PRKN: variants seen among roughly 807,000 people sequenced by gnomAD.
PRKN encodes the protein E3 ubiquitin-protein ligase parkin.
In PRKN, 56 loss-of-function variants were observed where a neutral mutation model predicts 59.5. The ratio of observed to expected loss-of-function variants is 0.94; its 90% CI spans 0.76 to 1.18. The LOEUF is 1.18. Among genes scored for constraint, PRKN ranks in the 50% most tolerant of loss-of-function variants. The pLI, the probability that PRKN is intolerant of heterozygous loss-of-function variation, is 0.00. For missense variants in PRKN, 657 were observed against 596.4 expected, an observed-to-expected ratio of 1.10 and a Z score of -1.06; for synonymous variants, 250 against 222.1, an observed-to-expected ratio of 1.13 and a Z score of -1.12.
intron 1 of PRKN, among the ~76,000 whole-genome samples, chr6:162,469,876 T>C (rs1254201362): frequency 1.3e-5 from 2 of 151,958 alleles, no homozygotes; most frequent in African/African-American, 2.4e-5. Context: ...CAAAAACCTA[T>C]GGAAATAAAA....
chr6:162,386,064 T>C (rs1459230562), intron 2 of PRKN, among the ~76,000 whole-genome samples: 8 of 152,274 alleles, frequency 5.3e-5, no homozygotes. Flanking sequence ...CCTATGCAGA[T>C]GCAGGATACA....
chr6:161,633,544 C>G (rs147188120), intron 7 of PRKN, among the ~76,000 whole-genome samples: 14 of 152,144 alleles, frequency 9.2e-5, no homozygotes, highest in African/African-American at 3.1e-4. Context: ...AAGAATATCA[C>G]GAGGATTTTG....
intron 2 of PRKN, among the ~76,000 whole-genome samples, chr6:162,373,822 G>A (rs1785898142): frequency 6.6e-6 from 1 of 152,114 alleles, no homozygotes; most frequent in African/African-American, 2.4e-5. Context: ...TGAGTAAAGT[G>A]AATCACATAG....
intron 2 of PRKN, among the ~76,000 whole-genome samples, chr6:162,266,168 G>T (rs1780121683): frequency 6.6e-6 from 1 of 152,078 alleles, no homozygotes; most frequent in Non-Finnish European, 1.5e-5. Context: ...CCATGTTCAG[G>T]ACTCAGTTAC....
At chr6:162,569,098 CA>C in intron 1 of PRKN, 2 of 665,222 alleles carry the variant, frequency 3.0e-6, no homozygotes, top group Admixed American at 2.1e-5. Context: ...TTGCTGAGGT[CA>C]AGGCGTAGTA....
chr6:161,481,419 A>C (rs79241786), intron 9 of PRKN, among the ~76,000 whole-genome samples: 1 of 152,114 alleles, frequency 6.6e-6, no homozygotes, highest in Non-Finnish European at 1.5e-5. Context: ...CCTGGCCAAC[A>C]TGGTGAAACC....
At chr6:161,973,186 G>A (rs1387626032) in intron 6 of PRKN, 116 bp downstream of exon 6, 1 of 745,982 alleles carries the variant, frequency 1.3e-6, no homozygotes, top group Admixed American at 2.0e-5. Context: ...AGAGTTCACT[G>A]AGGAAGGCTC....
At chr6:161,439,432 A>G (rs1178369338) in intron 9 of PRKN, among the ~76,000 whole-genome samples, 1 of 152,238 alleles carries the variant, frequency 6.6e-6, no homozygotes, top group Non-Finnish European at 1.5e-5. Context: ...AGAAATGCAA[A>G]TAAGTACGAA....
chr6:162,569,615 A>G, intron 1 of PRKN: 3 of 711,480 alleles, frequency 4.2e-6, no homozygotes, highest in Admixed American at 3.6e-5. Flanking sequence ...TGGCTCTGAC[A>G]TGGGCTCCAG....
intron 10 of PRKN, among the ~76,000 whole-genome samples, chr6:161,374,020 T>C (rs1785547869): frequency 6.6e-6 from 1 of 152,182 alleles, no homozygotes; most frequent in African/African-American, 2.4e-5. Context: ...TCTGGACAAA[T>C]CCAGCATTTT....
intron 1 of PRKN, among the ~76,000 whole-genome samples, chr6:162,659,749 C>T (rs1778807873): frequency 1.3e-5 from 2 of 151,904 alleles, no homozygotes; most frequent in Admixed American, 1.3e-4. Context: ...CCCACAGGTA[C>T]ATTTCATAAA....
At chr6:161,367,043 T>G (rs1328147260) in intron 10 of PRKN, among the ~76,000 whole-genome samples, 2 of 137,606 alleles carry the variant, frequency 1.5e-5, no homozygotes, top group Admixed American at 1.5e-4. Flanking sequence ...CAGGCTGGAC[T>G]GCAGTGGCGT....
In PRKN at chr6:161,357,894, C is replaced by G. The variant is rs1052507834; in HGVS notation, c.1285+2194G>C. On this transcript the variant is annotated intron_variant, in intron 11 of 11. Coordinates refer to ENST00000366898, the MANE Select transcript of PRKN (RefSeq NM_004562.3). The surrounding 1 kb of genome is among the most constrained non-coding windows in gnomAD (Gnocchi z 5.5). ...CTCCTGCCCATGCTGTGAGGAAGTC[C>G]CATTGAAACCCATCTTATGAACGAG... 6.6e-6 allele frequency among the ~76,000 whole-genome samples: 1 copy of G among 152,186 alleles called. No homozygotes were observed. The highest frequency in any genetic ancestry group is 1.5e-5 in the Non-Finnish European group (1 of 68,040).
chr6:162,358,241 AAGTT>A, intron 2 of PRKN, among the ~76,000 whole-genome samples: 1 of 152,316 alleles, frequency 6.6e-6, no homozygotes, highest in East Asian at 1.9e-4. Flanking sequence ...TTACAGACAA[AAGTT>A]AGTTTATGAA....
At position 161,601,011 on chromosome 6, in the gene PRKN, A is replaced by G. The variant is rs115641499; in HGVS notation, c.872-31595T>C. ...CTCATAATTCATCAGTGTATTTATTATTGAAAATTCCTAAGTGTCAGCTTA... is the reference window on the plus strand; with the variant it reads ...CTCATAATTCATCAGTGTATTTATTGTTGAAAATTCCTAAGTGTCAGCTTA... On this transcript the variant is annotated intron_variant, in intron 7 of 11. Coordinates refer to ENST00000366898, the MANE Select transcript of PRKN (RefSeq NM_004562.3). Among the ~76,000 whole-genome samples, 680 of 152,358 alleles carry G rather than the reference A, an allele frequency of 4.5e-3. 6 individuals are homozygous for G. The highest frequency in any genetic ancestry group is 0.016 in the African/African-American group (652 of 41,584).
At position 161,399,810 on chromosome 6, in the gene PRKN, A is replaced by G. The variant is rs1786942671; in HGVS notation, c.1084-12933T>C. ...AAACCACCGTGAAAGGATACAGCCTAGAACAGTGCTGTCCAATTGAAACAG... is the reference window on the plus strand; with the variant it reads ...AAACCACCGTGAAAGGATACAGCCTGGAACAGTGCTGTCCAATTGAAACAG... On this transcript the variant is annotated intron_variant, in intron 9 of 11. Coordinates refer to ENST00000366898, the MANE Select transcript of PRKN (RefSeq NM_004562.3). The surrounding 1 kb of genome is among the most constrained non-coding windows in gnomAD (Gnocchi z 4.4). Among the ~76,000 whole-genome samples the G allele has an allele frequency of 6.6e-6, 1 of 152,162 alleles. No individual in the cohort carries two copies. Among genetic ancestry groups the G allele is most frequent in the African/African-American group, 2.4e-5 (1 of 41,418 alleles).
chr6:162,302,202 T>C (rs1447665766), intron 2 of PRKN, among the ~76,000 whole-genome samples: 3 of 152,074 alleles, frequency 2.0e-5, no homozygotes, highest in Non-Finnish European at 1.5e-5. Context: ...ACCTCACACC[T>C]GAAAGAGCAC....
intron 9 of PRKN, 126 bp from the exon 10 acceptor site, chr6:161,387,003 CT>C (rs1256937238): frequency 7.6e-6 from 6 of 791,008 alleles, no homozygotes; most frequent in Non-Finnish European, 1.3e-5. Context: ...TATAAAAATA[CT>C]TTTTTTGCAA....
At chr6:162,690,677 G>T (rs934092587) in intron 1 of PRKN, among the ~76,000 whole-genome samples, 2 of 152,068 alleles carry the variant, frequency 1.3e-5, no homozygotes, top group African/African-American at 2.4e-5. Flanking sequence ...AGGTCAAAAA[G>T]AGGAAAAGAT....
Sources: gnomAD v4.1 joint callset for allele counts (sites outside exome capture counted in the v4.1 genomes callset) on GRCh38, gnomAD v4.1.1 for gene constraint, Gnocchi (gnomAD v3.1) non-coding constraint, MANE v1.5 for transcripts, NCBI Gene and HGNC (gene_info 2026-07-23, HGNC 2026-07-21) for gene names.